WDR72: variants seen among roughly 807,000 people sequenced by gnomAD.
WDR72 encodes the protein WD repeat domain 72.
A neutral mutation model predicts 124.2 loss-of-function variants in WDR72; 120 were observed. The ratio of observed to expected loss-of-function variants is 0.97; its 90% confidence interval spans 0.83 to 1.12. The LOEUF (loss-of-function observed/expected upper bound fraction) is 1.12, where lower values mean the gene tolerates loss of function less well. Among genes scored for constraint, WDR72 ranks in the 50% most tolerant of loss-of-function variants. The pLI, the probability that WDR72 is intolerant of heterozygous loss-of-function variation, is 0.00. For missense variants in WDR72, 1,387 were observed against 1,278.8 expected (o/e 1.08, Z -1.29); for synonymous variants, 452 against 441.7 (o/e 1.02, Z -0.29).
In WDR72 at chr15:53,590,944, AAATTAAAGATGC is replaced by A. The variant is rs556066794; in HGVS notation, c.3148+6123_3148+6134del. On this transcript the variant is annotated intron_variant, in intron 18 of 19. Coordinates refer to ENST00000360509, the MANE Select transcript of WDR72 (RefSeq NM_182758.4). ...AGAACACTAGTGTTCTAAAGAGAAGAAATTAAAGATGCATGGGTTTCTTGCTAATGTCCAGGT... is the reference window on the plus strand; with the variant it reads ...AGAACACTAGTGTTCTAAAGAGAAGAATGGGTTTCTTGCTAATGTCCAGGT... 3.2e-3 allele frequency among the ~76,000 whole-genome samples: 481 copies of A among 152,168 alleles called. 2 individuals are homozygous for A. Among genetic ancestry groups the A allele is most frequent in the African/African-American group, 0.011 (463 of 41,534 alleles).
intron 18 of WDR72, among the ~76,000 whole-genome samples, chr15:53,538,863 G>C (rs1892907246): frequency 1.3e-5 from 2 of 152,024 alleles, no homozygotes; most frequent in Non-Finnish European, 2.9e-5. Context: ...TTCATGACTG[G>C]TCTCAGTAAG....
chr15:53,639,429 A>G (rs1314261170), intron 14 of WDR72, among the ~76,000 whole-genome samples: 2 of 148,688 alleles, frequency 1.3e-5, no homozygotes, highest in East Asian at 2.0e-4. Context: ...CCTGGGCAAC[A>G]TAGCAAGACC....
chr15:53,608,757 A>AAAATAAATAAATGAAT, intron 17 of WDR72, among the ~76,000 whole-genome samples: 1 of 123,694 alleles, frequency 8.1e-6, no homozygotes, highest in East Asian at 2.0e-4. Context: ...TCCTTTCTCA[A>AAAATAAATAAATGAAT]AAATAAATAA....
chr15:53,712,133 A>C (rs2017556736), intron 7 of WDR72, among the ~76,000 whole-genome samples: 1 of 152,226 alleles, frequency 6.6e-6, no homozygotes, highest in Non-Finnish European at 1.5e-5. Context: ...AAATGTAAAC[A>C]CCAAATTTTG....
At chr15:53,755,378 T>G (rs1182799524) in intron 1 of WDR72, among the ~76,000 whole-genome samples, 1 of 152,228 alleles carries the variant, frequency 6.6e-6, no homozygotes, top group African/African-American at 2.4e-5. Context: ...AAATTAATGA[T>G]GCTATTACAA....
intron 18 of WDR72, among the ~76,000 whole-genome samples, chr15:53,571,996 G>T (rs986910106): frequency 1.3e-5 from 2 of 151,910 alleles, no homozygotes; most frequent in South Asian, 4.2e-4. Flanking sequence ...TCATATACCT[G>T]TTGGCCATTT....
At chr15:53,735,356 G>A (rs1023887343) in intron 1 of WDR72, among the ~76,000 whole-genome samples, 12 of 152,166 alleles carry the variant, frequency 7.9e-5, no homozygotes, top group African/African-American at 2.9e-4. Context: ...CTGACGGGGG[G>A]AACGTACAAT....
At chr15:53,714,744 T>C (rs2017655936) in intron 5 of WDR72, among the ~76,000 whole-genome samples, 1 of 152,152 alleles carries the variant, frequency 6.6e-6, no homozygotes, top group Non-Finnish European at 1.5e-5. Flanking sequence ...CAGAACCACA[T>C]TGCAAATCAT....
At chr15:53,734,601 C>T (rs371775526) in intron 1 of WDR72, among the ~76,000 whole-genome samples, 1 of 151,992 alleles carries the variant, frequency 6.6e-6, no homozygotes, top group Non-Finnish European at 1.5e-5. Flanking sequence ...AAAACCAGTA[C>T]AATAAGTATT....
chr15:53,522,302 C>T (rs1424532891), intron 19 of WDR72, among the ~76,000 whole-genome samples: 1 of 152,020 alleles, frequency 6.6e-6, no homozygotes, highest in African/African-American at 2.4e-5. Context: ...CTTAACTAAG[C>T]TGACAGGCCA....
chr15:53,546,308 T>G (rs1335908094), intron 18 of WDR72, among the ~76,000 whole-genome samples: 3 of 152,064 alleles, frequency 2.0e-5, no homozygotes, highest in South Asian at 4.1e-4. Flanking sequence ...ATGTGGCACA[T>G]ATACACCATG....
At chr15:53,761,708 G>C (rs143038505), upstream of WDR72, among the ~76,000 whole-genome samples, 522 of 152,224 alleles carry the variant, frequency 3.4e-3, 5 homozygotes, top group African/African-American at 0.012. Context: ...TGCACCTGTA[G>C]TACCAGTTCC....
intron 18 of WDR72, among the ~76,000 whole-genome samples, chr15:53,533,618 T>G (rs1892601966): frequency 6.6e-6 from 1 of 152,136 alleles, no homozygotes; most frequent in African/African-American, 2.4e-5. Flanking sequence ...TCAACTCGCA[T>G]TTAGCGATTT....
Position 53,685,395 on chromosome 15 carries a change from C to G in WDR72, c.1765+14355G>C, listed in dbSNP as rs1390114065. Among the ~76,000 whole-genome samples the G allele has an allele frequency of 7.6e-3, 970 of 127,866 alleles. 16 individuals carry two copies. The highest frequency in any genetic ancestry group is 0.028 in the African/African-American group (927 of 33,162). 83.9% of individuals were successfully genotyped at this position (127,866 alleles called of 152,430 possible). On this transcript the variant is annotated intron_variant, in intron 13 of 19. Coordinates refer to ENST00000360509, the MANE Select transcript of WDR72 (RefSeq NM_182758.4). ...GCTGATGGAGCTGAAAACCAAGGCT[C>G]GAGAACTACGTGAAGAATGCAGAAG...
chr15:53,653,099 T>C (rs1419037517), intron 14 of WDR72, among the ~76,000 whole-genome samples: 1 of 152,124 alleles, frequency 6.6e-6, no homozygotes, highest in East Asian at 1.9e-4. Flanking sequence ...TAAATACACT[T>C]TTTTTTCTGT....
At chr15:53,528,526 T>G (rs1892249831) in intron 18 of WDR72, among the ~76,000 whole-genome samples, 1 of 152,110 alleles carries the variant, frequency 6.6e-6, no homozygotes, top group South Asian at 2.1e-4. Context: ...TATTATTTTG[T>G]GGGTAGCATT....
chr15:53,610,572 G>GTA (rs61283270), intron 16 of WDR72, among the ~76,000 whole-genome samples: 4,218 of 148,766 alleles, frequency 0.028, 193 homozygotes, highest in African/African-American at 0.093. Context: ...AACATATGAG[G>GTA]TATATATATA....
chr15:53,738,576 T>A (rs2018419437), intron 1 of WDR72, among the ~76,000 whole-genome samples: 1 of 144,176 alleles, frequency 6.9e-6, no homozygotes, highest in African/African-American at 2.9e-5. Flanking sequence ...ATCACAAGCC[T>A]TTTTTTTGTT....
intron 13 of WDR72, among the ~76,000 whole-genome samples, chr15:53,680,975 A>C (rs1272815462): frequency 6.6e-6 from 1 of 152,242 alleles, no homozygotes; most frequent in Admixed American, 6.5e-5. Context: ...CCCTCAGTCG[A>C]ATTCTCTGCT....
Sources: gnomAD v4.1 joint callset for allele counts (sites outside exome capture counted in the v4.1 genomes callset) on GRCh38, gnomAD v4.1.1 for gene constraint, MANE v1.5 for transcripts, NCBI Gene and HGNC (gene_info 2026-07-23, HGNC 2026-07-21) for gene names.